TRPM1: variants seen among roughly 807,000 people sequenced by gnomAD.
TRPM1 encodes the protein TRPM1-203 APA Isoform, Intron 10.
In TRPM1, 113 loss-of-function variants were observed where a neutral mutation model predicts 149.4. That is an observed-to-expected ratio of 0.76 (90% CI 0.65 to 0.88). The LOEUF (loss-of-function observed/expected upper bound fraction) is 0.88, where lower values mean the gene tolerates loss of function less well. TRPM1 is among the 40% of genes least tolerant of loss of function. The pLI, the probability that TRPM1 is intolerant of heterozygous loss-of-function variation, is 0.00. For missense variants in TRPM1, 1,976 were observed against 2,038.7 expected, an observed-to-expected ratio of 0.97 and a Z score of 0.59; for synonymous variants, 741 against 759.5, an observed-to-expected ratio of 0.98 and a Z score of 0.40.
At chr15:31,036,696 T>C (rs1207863793) in intron 20 of TRPM1, among the ~76,000 whole-genome samples, 4 of 152,238 alleles carry the variant, frequency 2.6e-5, no homozygotes, top group African/African-American at 9.6e-5. Flanking sequence ...GCAGCCTCTA[T>C]GGCTGGGCTC....
At chr15:31,071,047 G>A (rs184170374) in intron 3 of TRPM1, among the ~76,000 whole-genome samples, 12 of 152,196 alleles carry the variant, frequency 7.9e-5, no homozygotes, top group Admixed American at 2.0e-4. Flanking sequence ...AACCTCTCAC[G>A]CCCTCCCTGA....
At chr15:31,113,582 C>T (rs532370832) in intron 1 of TRPM1, among the ~76,000 whole-genome samples, 26 of 152,280 alleles carry the variant, frequency 1.7e-4, no homozygotes, top group African/African-American at 5.5e-4. Flanking sequence ...TTCCCCCATA[C>T]AACTGCAGGT....
chr15:31,103,610 C>T (rs1435009874), upstream of TRPM1, among the ~76,000 whole-genome samples: 1 of 151,766 alleles, frequency 6.6e-6, no homozygotes, highest in African/African-American at 2.4e-5. Context: ...GTCAGGAGTT[C>T]GAGACCAGCC....
chr15:31,025,028 C>T (rs1036296789), intron 27 of TRPM1, among the ~76,000 whole-genome samples: 1 of 152,144 alleles, frequency 6.6e-6, no homozygotes, highest in East Asian at 1.9e-4. Context: ...AGTTCACTGG[C>T]CTCAACATGC....
chr15:31,060,839 C>T (rs2034213248), intron 10 of TRPM1, among the ~76,000 whole-genome samples, 195 bp from the exon 11 acceptor site: 2 of 152,208 alleles, frequency 1.3e-5, no homozygotes, highest in South Asian at 4.1e-4. Context: ...TGGAGGCAGC[C>T]TCTTCCCATG....
intron 1 of TRPM1, among the ~76,000 whole-genome samples, chr15:31,094,826 C>T (rs1166555220): frequency 6.6e-6 from 1 of 152,202 alleles, no homozygotes; most frequent in Non-Finnish European, 1.5e-5. Context: ...GGCAGTTCCT[C>T]AGTTAAATGT....
At chr15:31,131,155 C>T (rs1417556762) in intron 1 of TRPM1, among the ~76,000 whole-genome samples, 2 of 152,202 alleles carry the variant, frequency 1.3e-5, no homozygotes, top group Non-Finnish European at 2.9e-5. Context: ...GGCATGAATC[C>T]TCCCTTCATC....
intron 27 of TRPM1, among the ~76,000 whole-genome samples, chr15:31,017,932 T>C (rs1358996648): frequency 1.3e-5 from 2 of 152,264 alleles, no homozygotes; most frequent in East Asian, 1.9e-4. Flanking sequence ...CAAACTCATG[T>C]CCTTGTGGTA....
chr15:31,046,156 A>T (rs568726420), intron 16 of TRPM1, 48 bp downstream of exon 16: 1 of 1,586,534 alleles, frequency 6.3e-7, no homozygotes, highest in African/African-American at 1.3e-5. Context: ...AGGGCTATGT[A>T]TATTTGACCA....
intron 3 of TRPM1, among the ~76,000 whole-genome samples, chr15:31,076,682 G>A (rs559706375): frequency 1.3e-5 from 2 of 152,294 alleles, no homozygotes; most frequent in African/African-American, 4.8e-5. Flanking sequence ...AGTTGGCTAT[G>A]AGAGTTCGCA....
chr15:31,038,422 A>C (rs2033499709), intron 18 of TRPM1, among the ~76,000 whole-genome samples: 1 of 152,232 alleles, frequency 6.6e-6, no homozygotes, highest in Admixed American at 6.5e-5. Context: ...CTTTAAAAAG[A>C]AAAGTCTTGG....
chr15:31,068,076 T>A lies in TRPM1; in HGVS notation c.296A>T (p.Tyr99Phe). 6.2e-7 allele frequency: 1 copy of A among 1,614,002 alleles called. No homozygotes were observed. The highest frequency in any genetic ancestry group is 1.3e-5 in the African/African-American group (1 of 75,048). The change falls in exon 5 of 28, where the codon TAT becomes TTT. Residue 99 changes from tyrosine (Y) to phenylalanine (F), a missense_variant. Physicochemically the swap from Tyr to Phe is conservative, Grantham distance 22. Transcript: ENST00000256552. ...SNKAMYIRVS[Y>F]DTKPDSLLHL... ...GAGCAGTGAGTCTGGCTTGGTGTCA[T>A]AGGATACACGGATATACTGTGAAAG...
At position 31,042,242 on chromosome 15, in the gene TRPM1, T is replaced by C; in HGVS notation, c.1796A>G (p.Asp599Gly). Reference protein sequence around the residue: ...PKALKLLGMEDDEPPAKGKKK... With the variant: ...PKALKLLGMEGDEPPAKGKKK... Reference sequence around the variant, plus strand: ...CTTCCCTTTAGCTGGAGGCTCATCATCCTGAGGGGAGAAACATGGATTTCA... The same window carrying C: ...CTTCCCTTTAGCTGGAGGCTCATCACCCTGAGGGGAGAAACATGGATTTCA... The change falls in exon 17 of 28, where the codon GAT becomes GGT. Residue 599 changes from aspartate (D) to glycine (G), a missense_variant and splice_region_variant. Asp to Gly is a moderately conservative substitution (Grantham distance 94). Coordinates refer to ENST00000256552, the MANE Select transcript of TRPM1 (RefSeq NM_001252024.2). 6.4e-7 allele frequency: 1 copy of C among 1,569,470 alleles called. No individual in the cohort carries two copies. The highest frequency in any genetic ancestry group is 1.2e-5 in the South Asian group (1 of 85,788).
At chr15:31,158,380 C>A (rs1018841342) in intron 1 of TRPM1, among the ~76,000 whole-genome samples, 5 of 152,026 alleles carry the variant, frequency 3.3e-5, no homozygotes, top group African/African-American at 1.2e-4. Flanking sequence ...GTAATCCCAG[C>A]ACTTTAGGAG....
chr15:31,076,793 G>T (rs2034705304), intron 3 of TRPM1, 112 bp downstream of exon 3: 1 of 840,868 alleles, frequency 1.2e-6, no homozygotes, highest in Non-Finnish European at 2.1e-6. Flanking sequence ...CTCCCATGGG[G>T]AATGGATTCT....
rs1413756862 is a variant in TRPM1 at position 31,002,519 on chromosome 15, T to C, written c.4181A>G (p.Lys1394Arg). ...ACTTGGGGAAATAGTTTCTTCTTTT[T>C]TAGAGTCTGTCTGTCTTTCATCATC... ...KEDDERQTDS[K>R]KEETISPSLN... Residue 1394 changes from lysine (K) to arginine (R), a missense_variant, in exon 28 of 28, where the codon AAA becomes AGA. Physicochemically the swap from Lys to Arg is conservative, Grantham distance 26. Coordinates refer to ENST00000256552, the MANE Select transcript of TRPM1 (RefSeq NM_001252024.2). 10 of 1,614,216 alleles carry C rather than the reference T, an allele frequency of 6.2e-6. No homozygotes were observed. The highest frequency in any genetic ancestry group is 8.5e-6 in the Non-Finnish European group (10 of 1,180,042).
At chr15:31,122,666 A>T (rs1389814344) in intron 1 of TRPM1, among the ~76,000 whole-genome samples, 1 of 152,218 alleles carries the variant, frequency 6.6e-6, no homozygotes, top group Non-Finnish European at 1.5e-5. Context: ...ACTGTGATGA[A>T]ATAAATCAAA....
chr15:31,117,096 T>A (rs1194024444), intron 1 of TRPM1, among the ~76,000 whole-genome samples: 1 of 152,180 alleles, frequency 6.6e-6, no homozygotes, highest in Non-Finnish European at 1.5e-5. Flanking sequence ...ACGCCTGTAA[T>A]CCCAACACTT....
At chr15:31,022,475 A>G (rs897393974) in intron 27 of TRPM1, among the ~76,000 whole-genome samples, 15 of 152,126 alleles carry the variant, frequency 9.9e-5, no homozygotes, top group Admixed American at 4.6e-4. Context: ...TACAAATAAT[A>G]ATAAAAAAGG....
Sources: gnomAD v4.1 joint callset for allele counts (sites outside exome capture counted in the v4.1 genomes callset) on GRCh38, gnomAD v4.1.1 for gene constraint, MANE v1.5 for transcripts, NCBI Gene and HGNC (gene_info 2026-07-23, HGNC 2026-07-21) for gene names.